Variants in FRRS1 observed in about 807,000 individuals in gnomAD.
FRRS1 encodes ferric reductase 1.
A neutral mutation model predicts 70.7 loss-of-function variants in FRRS1; 51 were observed. That is an observed-to-expected ratio of 0.72 (90% CI 0.58 to 0.91). The LOEUF (loss-of-function observed/expected upper bound fraction) is 0.91, where lower values mean the gene tolerates loss of function less well. FRRS1 is among the 40% of genes least tolerant of loss of function. The pLI, the probability that FRRS1 is intolerant of heterozygous loss-of-function variation, is 0.00. For synonymous variants in FRRS1, 225 were observed against 238.7 expected (o/e 0.94, Z 0.53); for missense variants, 672 against 726.0 (o/e 0.93, Z 0.86).
intron 4 of FRRS1, among the ~76,000 whole-genome samples, chr1:99,746,088 A>C (rs183339490): frequency 9.2e-5 from 14 of 152,296 alleles, no homozygotes; most frequent in Admixed American, 7.8e-4. Context: ...AGTCTTAGGC[A>C]CTTCTTTTAG....
rs1653961670 is a variant in FRRS1 at position 99,703,971 on chromosome 1, C to T, written c.*5057G>A. 6.6e-6 allele frequency among the ~76,000 whole-genome samples: 1 copy of T among 152,024 alleles called. No individual in the cohort carries two copies. Among genetic ancestry groups the T allele is most frequent in the African/African-American group, 2.4e-5 (1 of 41,378 alleles). ...GAAATCATATTAATACAATAGTCGT[C>T]CTGCGTCTGCTTTATTTTATTCAGC... is the stretch of plus-strand genomic sequence containing the variant. On this transcript the variant is annotated 3_prime_UTR_variant, in exon 17 of 17. Transcript: ENST00000646001.
At chr1:99,722,688 A>ATT (rs1654896520) in intron 9 of FRRS1, among the ~76,000 whole-genome samples, 1 of 152,218 alleles carries the variant, frequency 6.6e-6, no homozygotes, top group African/African-American at 2.4e-5. Context: ...ACAAAAGAAT[A>ATT]TTTCCTCAAC....
At chr1:99,744,928 C>CCA (rs1656169497) in intron 4 of FRRS1, among the ~76,000 whole-genome samples, 1 of 137,130 alleles carries the variant, frequency 7.3e-6, no homozygotes, top group African/African-American at 2.6e-5. Flanking sequence ...TGAGATCAGG[C>CCA]CACTGCACTC....
intron 1 of FRRS1, among the ~76,000 whole-genome samples, chr1:99,756,175 C>A (rs925336343): frequency 3.9e-5 from 6 of 152,146 alleles, no homozygotes; most frequent in African/African-American, 1.4e-4. Flanking sequence ...ATCAATTATG[C>A]ATGATTTTCT....
rs879553987 is a variant in FRRS1 at position 99,708,010 on chromosome 1, A to ATAAAATGCTAT, written c.*1007_*1017dup. The stretch of plus-strand genomic sequence containing the variant: ...ATTTTATAGCCAAAACAATTAACAC[A>ATAAAATGCTAT]TAAAATGCTATTTCATCTCTGTAGC... On this transcript the variant is annotated 3_prime_UTR_variant, in exon 17 of 17. Coordinates refer to ENST00000646001, the MANE Select transcript of FRRS1 (RefSeq NM_001361041.2). Among the ~76,000 whole-genome samples, 2 of 152,246 alleles carry ATAAAATGCTAT rather than the reference A, an allele frequency of 1.3e-5. No individual in the cohort carries two copies. The highest frequency in any genetic ancestry group is 2.9e-5 in the Non-Finnish European group (2 of 68,042).
At chr1:99,755,107 T>G (rs1177519165) in intron 1 of FRRS1, among the ~76,000 whole-genome samples, 2 of 152,002 alleles carry the variant, frequency 1.3e-5, no homozygotes, top group African/African-American at 4.8e-5. Context: ...TTGATTATTA[T>G]AGGAAACAGA....
chr1:99,733,222 T>G (rs1655484569), intron 7 of FRRS1, among the ~76,000 whole-genome samples: 2 of 152,028 alleles, frequency 1.3e-5, no homozygotes, highest in South Asian at 2.1e-4. Context: ...GAGGAAATCA[T>G]GGAAGCAAGA....
chr1:99,738,658 G>A (rs368844971), intron 6 of FRRS1, among the ~76,000 whole-genome samples: 59 of 152,204 alleles, frequency 3.9e-4, no homozygotes, highest in South Asian at 4.2e-4. Context: ...TGACACTAAC[G>A]TTCCTGCCTA....
In FRRS1 at chr1:99,728,476, C is replaced by T. The variant is rs2100936349; in HGVS notation, c.1006+17G>A. On this transcript the variant is annotated intron_variant, in intron 9 of 16. Coordinates refer to ENST00000646001, the MANE Select transcript of FRRS1 (RefSeq NM_001361041.2). Reference sequence around the variant, plus strand: ...GAGAAAAAGACACTTGAAAAGACAGCTTAACAATATACTTACCATCATTAG... The same window carrying T: ...GAGAAAAAGACACTTGAAAAGACAGTTTAACAATATACTTACCATCATTAG... 1 of 1,573,628 alleles carries T rather than the reference C, an allele frequency of 6.4e-7. No homozygotes were observed. Among genetic ancestry groups the T allele is most frequent in the Non-Finnish European group, 8.7e-7 (1 of 1,153,386 alleles).
At chr1:99,765,205 C>T (rs1266953554) in intron 1 of FRRS1, 1 of 152,222 alleles carries the variant, frequency 6.6e-6, no homozygotes, top group African/African-American at 2.4e-5. Flanking sequence ...CTAACAAAAC[C>T]ATCTCTTAAA....
At chr1:99,732,340 A>G (rs551526044) in intron 7 of FRRS1, among the ~76,000 whole-genome samples, 12 of 152,318 alleles carry the variant, frequency 7.9e-5, no homozygotes, top group African/African-American at 2.6e-4. Context: ...CAAGTCAAGC[A>G]TTTAGAGAGC....
intron 12 of FRRS1, among the ~76,000 whole-genome samples, 195 bp downstream of exon 12, chr1:99,715,391 G>GA (rs756857691): frequency 6.6e-6 from 1 of 152,130 alleles, no homozygotes; most frequent in Non-Finnish European, 1.5e-5. Flanking sequence ...ACATTTCATT[G>GA]CTAAGTAATC....
intron 14 of FRRS1, among the ~76,000 whole-genome samples, chr1:99,711,693 T>C (rs1275048106): frequency 6.6e-6 from 1 of 152,134 alleles, no homozygotes; most frequent in Non-Finnish European, 1.5e-5. Context: ...TTCCTGACTT[T>C]TGAAAACCAC....
chr1:99,751,541 A>T (rs894040284), intron 1 of FRRS1, among the ~76,000 whole-genome samples: 3 of 152,204 alleles, frequency 2.0e-5, no homozygotes, highest in Non-Finnish European at 4.4e-5. Flanking sequence ...AACAAAGATG[A>T]GAACTATATC....
chr1:99,720,523 A>T (rs1435996081), intron 9 of FRRS1, among the ~76,000 whole-genome samples: 1 of 152,168 alleles, frequency 6.6e-6, no homozygotes, highest in Non-Finnish European at 1.5e-5. Flanking sequence ...GTCTAAAACA[A>T]ATGATAAATA....
intron 1 of FRRS1, among the ~76,000 whole-genome samples, chr1:99,759,747 A>G (rs139823852): frequency 6.6e-6 from 1 of 152,152 alleles, no homozygotes; most frequent in Non-Finnish European, 1.5e-5. Context: ...AGAAATGAAC[A>G]CTCAGTGATG....
chr1:99,724,774 C>G (rs1654998980), intron 9 of FRRS1, among the ~76,000 whole-genome samples: 1 of 150,870 alleles, frequency 6.6e-6, no homozygotes, highest in Middle Eastern at 3.2e-3. Context: ...GTTTTGTGTG[C>G]TTTGCACTGT....
At chr1:99,763,697 C>A (rs1189937544) in intron 1 of FRRS1, among the ~76,000 whole-genome samples, 1 of 151,828 alleles carries the variant, frequency 6.6e-6, no homozygotes, top group Non-Finnish European at 1.5e-5. Flanking sequence ...GGAGAAACCC[C>A]TTCTCTACTA....
At chr1:99,760,886 GGT>G (rs1489247347) in intron 1 of FRRS1, among the ~76,000 whole-genome samples, 1 of 151,914 alleles carries the variant, frequency 6.6e-6, no homozygotes, top group African/African-American at 2.4e-5. Context: ...CCTGACCTCA[GGT>G]GATACACCTG....
Sources: allele counts gnomAD v4.1 joint callset (sites outside exome capture counted in the v4.1 genomes callset), GRCh38; gene constraint gnomAD v4.1.1; transcripts MANE v1.5; gene names NCBI Gene and HGNC (gene_info 2026-07-23, HGNC 2026-07-21).